Variants in SUCO observed in about 807,000 individuals in gnomAD.
SUCO encodes the protein SUN domain containing ossification factor, also known as SUN domain-containing ossification factor.
A neutral mutation model predicts 148.1 loss-of-function variants in SUCO; 57 were observed. The ratio of observed to expected loss-of-function variants is 0.38; its 90% CI spans 0.31 to 0.48. The LOEUF (loss-of-function observed/expected upper bound fraction) is 0.48, where lower values mean the gene tolerates loss of function less well. Ranked by LOEUF, SUCO falls within the 20% of genes least tolerant of loss-of-function variation. The probability of loss-of-function intolerance (pLI) is 0.96; values close to 1 mark genes in which losing one functional copy is unlikely to be tolerated. For missense variants in SUCO, 1,331 were observed against 1,468.2 expected (o/e 0.91, Z 1.53); for synonymous variants, 470 against 502.7 (o/e 0.93, Z 0.87).
intron 11 of SUCO, among the ~76,000 whole-genome samples, chr1:172,576,157 A>G (rs569942521): frequency 6.6e-6 from 1 of 151,986 alleles, no homozygotes; most frequent in Admixed American, 6.5e-5. Context: ...TGCTGCTTCT[A>G]CCAACTAATT....
rs142696673 is a variant in SUCO at position 172,533,649 on chromosome 1, CT to C, written c.62+153del. 1.4e-3 allele frequency: 1,482 copies of C among 1,023,584 alleles called. 12 individuals carry two copies. The African/African-American group carries it at 0.02, about 14-fold the overall frequency. 63.4% of individuals were successfully genotyped at this position (1,023,584 alleles called of 1,614,324 possible). On this transcript the variant is annotated intron_variant, in intron 1 of 23. Transcript: ENST00000263688. ...AACCGATTACTTCTCGACTCTCCAT[CT>C]GACTGGTCTGGTAGTGCTCTGTGCG...
At chr1:172,602,634 A>G in intron 21 of SUCO, 62 bp from the exon 22 acceptor site, 2 of 1,587,352 alleles carry the variant, frequency 1.3e-6, no homozygotes, top group Non-Finnish European at 1.7e-6. Flanking sequence ...AGCCTCAACA[A>G]AAGAGTAAAT....
At chr1:172,578,781 A>G (rs1367966678) in intron 14 of SUCO, among the ~76,000 whole-genome samples, 1 of 152,020 alleles carries the variant, frequency 6.6e-6, no homozygotes, top group African/African-American at 2.4e-5. Context: ...TGAGCCATTG[A>G]GAAATCCTGT....
In SUCO at chr1:172,611,807, A is replaced by G. The variant is rs575853880; in HGVS notation, c.*1548A>G. ...GCCATTAGAAACTGTGAATTTCCAA[A>G]TAAATCTGAACACTTGTCTTTATTA... On this transcript the variant is annotated 3_prime_UTR_variant, in exon 24 of 24. Coordinates refer to ENST00000263688, the MANE Select transcript of SUCO (RefSeq NM_014283.5). 6.5e-6 allele frequency: 1 copy of G among 152,780 alleles called. No homozygotes were observed. Among genetic ancestry groups the G allele is most frequent in the East Asian group, 1.9e-4 (1 of 5,182 alleles). The allele number at this position is 152,780 out of a possible 1,614,324, so 9.5% of individuals were successfully genotyped here.
At chr1:172,539,353 A>G (rs1652267063) in intron 1 of SUCO, among the ~76,000 whole-genome samples, 1 of 152,168 alleles carries the variant, frequency 6.6e-6, no homozygotes, top group African/African-American at 2.4e-5. Flanking sequence ...TGCCAGTTGT[A>G]TGTTATGTTT....
intron 15 of SUCO, among the ~76,000 whole-genome samples, chr1:172,580,973 C>T (rs1406221375): frequency 2.0e-5 from 2 of 99,366 alleles, no homozygotes; most frequent in South Asian, 4.2e-4. Context: ...ATGGTGCGTG[C>T]GCCTATAATC....
At chr1:172,595,353 T>C (rs143411734) in intron 19 of SUCO, among the ~76,000 whole-genome samples, 1 of 152,240 alleles carries the variant, frequency 6.6e-6, no homozygotes, top group Non-Finnish European at 1.5e-5. Flanking sequence ...GCTCGTTAGT[T>C]CATGCAGTTT....
chr1:172,602,954 C>A, intron 22 of SUCO, 167 bp downstream of exon 22: 1 of 597,396 alleles, frequency 1.7e-6, no homozygotes, highest in Non-Finnish European at 2.9e-6. Context: ...CATTTTATAT[C>A]TGTCTTTGTT....
At chr1:172,546,265 A>T (rs2149222521) in intron 1 of SUCO, among the ~76,000 whole-genome samples, 1 of 152,306 alleles carries the variant, frequency 6.6e-6, no homozygotes, top group South Asian at 2.1e-4. Context: ...CTCACCTTGC[A>T]AACTTAGATC....
At chr1:172,584,318 A>G (rs1656086453) in intron 15 of SUCO, 8 of 776,578 alleles carry the variant, frequency 1.0e-5, no homozygotes, top group Non-Finnish European at 1.1e-5. Context: ...TTTAAACTGT[A>G]GAGAATTTTT....
intron 20 of SUCO, 33 bp downstream of exon 20, chr1:172,600,201 T>A: frequency 1.4e-6 from 2 of 1,434,026 alleles, no homozygotes; most frequent in Non-Finnish European, 2.0e-6. Context: ...CGAGACCCAA[T>A]GCATGTATAG....
chr1:172,608,826 T>G (rs1293698057), intron 23 of SUCO, 24 bp downstream of exon 23: 1 of 1,446,210 alleles, frequency 6.9e-7, no homozygotes, highest in Non-Finnish European at 9.6e-7. Flanking sequence ...TCTTTTTAAG[T>G]TTATTGCTAT....
chr1:172,551,612 C>A lies in SUCO; in HGVS notation c.163C>A (p.Gln55Lys), dbSNP rs748018623. The change falls in exon 2 of 24, where the codon CAA becomes AAA. Residue 55 changes from glutamine (Q) to lysine (K), a missense_variant. Gln to Lys is a moderately conservative substitution (Grantham distance 53, BLOSUM62 1). Coordinates refer to ENST00000263688, the MANE Select transcript of SUCO (RefSeq NM_014283.5). ...DNCALENEDV[Q>K]FQKKDEREGP... ...CTGCGCACTAGAAAATGAAGATGTA[C>A]AATTCCAGAAAAAGGTGCCTTAAAT... The A allele has an allele frequency of 6.2e-7, 1 of 1,600,914 alleles. No individual in the cohort carries two copies. The highest frequency in any genetic ancestry group is 8.5e-7 in the Non-Finnish European group (1 of 1,172,044).
chr1:172,597,860 A>G (rs1194981536), intron 19 of SUCO, among the ~76,000 whole-genome samples: 1 of 152,210 alleles, frequency 6.6e-6, no homozygotes, highest in Non-Finnish European at 1.5e-5. Context: ...ATGGCACGTT[A>G]TAAATTGGAG....
intron 19 of SUCO, among the ~76,000 whole-genome samples, chr1:172,594,534 T>C (rs552453718): frequency 6.6e-6 from 1 of 152,354 alleles, no homozygotes; most frequent in African/African-American, 2.4e-5. Context: ...CATTTCGTTA[T>C]GTACCCAGTA....
intron 20 of SUCO, 104 bp from the exon 21 acceptor site, chr1:172,601,960 T>C: frequency 8.3e-7 from 1 of 1,198,686 alleles, no homozygotes; most frequent in Non-Finnish European, 1.1e-6. Flanking sequence ...TTGAAGCACA[T>C]TAAAAAAATA....
intron 1 of SUCO, among the ~76,000 whole-genome samples, chr1:172,548,110 T>G (rs1401059847): frequency 6.6e-6 from 1 of 152,072 alleles, no homozygotes; most frequent in Non-Finnish European, 1.5e-5. Context: ...GTGTGAGAAG[T>G]TGATAGATCC....
intron 9 of SUCO, among the ~76,000 whole-genome samples, chr1:172,571,120 G>A (rs955615313): frequency 1.3e-5 from 2 of 152,232 alleles, no homozygotes; most frequent in African/African-American, 2.4e-5. Flanking sequence ...AAGAATAAGG[G>A]GGGTACTGCT....
In SUCO at chr1:172,610,202, A is replaced by G. The variant is rs1051489678; in HGVS notation, c.3708A>G (p.Gly1236=). 1.2e-6 allele frequency: 2 copies of G among 1,611,638 alleles called. No homozygotes were observed. The highest frequency in any genetic ancestry group is 2.7e-5 in the African/African-American group (2 of 74,698). ...SLPSLHDIIK[G]NKEITVGTFG... ...CGAGCCTGCATGACATAATCAAAGG[A>G]AACAAAGAGATCACCGTGGGAACAT... The change falls in exon 24 of 24, where the codon GGA becomes GGG. Residue 1236 remains glycine, a synonymous_variant. Coordinates refer to ENST00000263688, the MANE Select transcript of SUCO (RefSeq NM_014283.5).
Sources: allele counts gnomAD v4.1 joint callset (sites outside exome capture counted in the v4.1 genomes callset), GRCh38; gene constraint gnomAD v4.1.1; transcripts MANE v1.5; gene names NCBI Gene and HGNC (gene_info 2026-07-23, HGNC 2026-07-21).